The following CCAR1 variants were observed in gnomAD, a reference collection of about 807,000 sequenced individuals.
CCAR1 encodes the protein cell division cycle and apoptosis regulator 1.
A neutral mutation model predicts 163.8 loss-of-function variants in CCAR1; 78 were observed. The ratio of observed to expected loss-of-function variants is 0.48; its 90% confidence interval spans 0.40 to 0.57. The LOEUF (loss-of-function observed/expected upper bound fraction) is 0.57, where lower values mean the gene tolerates loss of function less well. Ranked by LOEUF, CCAR1 falls within the 20% of genes least tolerant of loss-of-function variation. CCAR1 has a pLI of 0.00. For synonymous variants in CCAR1, 443 were observed against 460.7 expected (o/e 0.96, Z 0.49); for missense variants, 1,019 against 1,365.2 (o/e 0.75, Z 4.00).
chr10:68,767,523 G>A (rs993753702), intron 17 of CCAR1, among the ~76,000 whole-genome samples: 1 of 152,100 alleles, frequency 6.6e-6, no homozygotes, highest in Non-Finnish European at 1.5e-5. Context: ...TGAGATTACA[G>A]GCGTGAGCCA....
chr10:68,762,340 A>G (rs1368384672), intron 16 of CCAR1, among the ~76,000 whole-genome samples: 1 of 67,350 alleles, frequency 1.5e-5, no homozygotes, highest in African/African-American at 4.1e-5. Context: ...AAAAAAAAAC[A>G]AAACAAAAAA....
In CCAR1 at chr10:68,787,858, A is replaced by G. The variant is rs997956008; in HGVS notation, c.2881-69A>G. 6 of 1,439,820 alleles carry G rather than the reference A, an allele frequency of 4.2e-6. No individual in the cohort carries two copies. In the African/African-American group the frequency reaches 4.3e-5, roughly 10 times the overall value. 89.2% of individuals were successfully genotyped at this position (1,439,820 alleles called of 1,614,324 possible). ...CTCAAAAGAAAGTGAAAATTATATCATAGTTTTTCTAAGAGAATCAAGAAA... is the reference window on the plus strand; with the variant it reads ...CTCAAAAGAAAGTGAAAATTATATCGTAGTTTTTCTAAGAGAATCAAGAAA... On this transcript the variant is annotated intron_variant, in intron 21 of 24. Coordinates refer to ENST00000265872, the MANE Select transcript of CCAR1 (RefSeq NM_018237.4).
intron 2 of CCAR1, among the ~76,000 whole-genome samples, chr10:68,730,899 C>T (rs1400162036): frequency 6.6e-6 from 1 of 152,056 alleles, no homozygotes; most frequent in African/African-American, 2.4e-5. Context: ...TGTCTTGTTG[C>T]CCAGGCTGCC....
At chr10:68,725,173 G>T (rs1311627606) in intron 2 of CCAR1, among the ~76,000 whole-genome samples, 2 of 151,708 alleles carry the variant, frequency 1.3e-5, no homozygotes, top group African/African-American at 4.8e-5. Context: ...AGCAGTAAAA[G>T]AACATTTACA....
chr10:68,771,852 A>G lies in CCAR1; in HGVS notation c.2538+407A>G, dbSNP rs114024256. Among the ~76,000 whole-genome samples, 436 of 151,896 alleles carry G rather than the reference A, an allele frequency of 2.9e-3. 7 individuals are homozygous for G. The highest frequency in any genetic ancestry group is 9.9e-3 in the African/African-American group (409 of 41,504). ...GAGCATCTACAGCTAGTTTTCTAAT[A>G]CTTTATTCTTAAAATTTTTTTTTCC... On this transcript the variant is annotated intron_variant, in intron 18 of 24. Transcript: ENST00000265872.
intron 6 of CCAR1, among the ~76,000 whole-genome samples, chr10:68,745,376 AC>A: frequency 6.6e-6 from 1 of 151,500 alleles, no homozygotes; most frequent in East Asian, 1.9e-4. Flanking sequence ...GTCATAGCTC[AC>A]TGCAGCCTCA....
chr10:68,784,548 T>C (rs1286441369), intron 19 of CCAR1, among the ~76,000 whole-genome samples: 1 of 152,118 alleles, frequency 6.6e-6, no homozygotes, highest in East Asian at 1.9e-4. Flanking sequence ...ATTCTGTGGG[T>C]CAGATGCTAT....
rs188529642 is a variant in CCAR1, at chr10:68,749,693, A to G, written c.1118+8A>G. ...AAAGTTTTCTTTAGATTGGTAGGTT[A>G]TTCCCCACCCATTGTTTTCTTGAGT... On this transcript the variant is annotated splice_region_variant and intron_variant, in intron 10 of 24. Transcript: ENST00000265872. The G allele has an allele frequency of 3.0e-5, 48 of 1,592,556 alleles. No homozygotes were observed. The highest frequency in any genetic ancestry group is 3.8e-5 in the Non-Finnish European group (44 of 1,164,186).
chr10:68,755,198 C>G (rs778267838), intron 12 of CCAR1, 172 bp from the exon 13 acceptor site: 2 of 765,746 alleles, frequency 2.6e-6, no homozygotes, highest in Non-Finnish European at 4.8e-6. Flanking sequence ...AAATCCTATT[C>G]CATTGCTGAA....
At position 68,754,781 on chromosome 10, in the gene CCAR1, C is replaced by A; in HGVS notation, c.1412C>A (p.Pro471Gln). The change falls in exon 12 of 25, where the codon CCA (proline) becomes CAA (glutamine). Residue 471 changes from proline to glutamine, a missense_variant. Physicochemically the swap from Pro to Gln is moderately conservative, Grantham distance 76 (BLOSUM62 -1). Around this residue, in one of 4 missense-constraint regions of CCAR1, gnomAD observed 644 missense variants for 904.4 expected, o/e 0.71. Transcript: ENST00000265872. ...AAGTCATGTGCTCTTGCTGAGGACC[C>A]ACAAGAACTTCGAGATGGATTCCAA... ...YHKSCALAEDPQELRDGFQHP... is the reference protein window; with the variant it reads ...YHKSCALAEDQQELRDGFQHP... The A allele has an allele frequency of 6.2e-7, 1 of 1,612,046 alleles. No homozygotes were observed. Among genetic ancestry groups the A allele is most frequent in the Non-Finnish European group, 8.5e-7 (1 of 1,178,288 alleles).
chr10:68,786,347 T>C (rs1405120294), intron 20 of CCAR1, 129 bp downstream of exon 20: 1 of 787,874 alleles, frequency 1.3e-6, no homozygotes, highest in Non-Finnish European at 2.0e-6. Context: ...TCAGTTGTTT[T>C]TTTGTGGCTA....
chr10:68,788,599 C>T (rs1239163152), intron 23 of CCAR1, among the ~76,000 whole-genome samples: 1 of 152,304 alleles, frequency 6.6e-6, no homozygotes, highest in East Asian at 1.9e-4. Context: ...ATTCTCCCAC[C>T]TCAGTCTCCC....
At chr10:68,769,480 C>T (rs2056574392) in intron 17 of CCAR1, among the ~76,000 whole-genome samples, 1 of 152,034 alleles carries the variant, frequency 6.6e-6, no homozygotes, top group Non-Finnish European at 1.5e-5. Context: ...ATTAGCTGGG[C>T]GTGGTGGCGC....
chr10:68,758,625 A>C (rs1314911436), intron 15 of CCAR1, among the ~76,000 whole-genome samples: 1 of 115,222 alleles, frequency 8.7e-6, no homozygotes, highest in Non-Finnish European at 2.0e-5. Flanking sequence ...GTATATATAT[A>C]TATATGTATA....
At chr10:68,784,103 A>T (rs938877530) in intron 19 of CCAR1, among the ~76,000 whole-genome samples, 4 of 152,038 alleles carry the variant, frequency 2.6e-5, no homozygotes, top group Non-Finnish European at 5.9e-5. Context: ...TTTTTTTGAG[A>T]TGCAATCTGC....
intron 1 of CCAR1, 149 bp from the exon 2 acceptor site, chr10:68,722,306 A>G (rs139526235): frequency 3.6e-6 from 2 of 552,576 alleles, no homozygotes; most frequent in South Asian, 4.2e-5. Flanking sequence ...TTGGATGTTC[A>G]TTTGCCCTTT....
Position 68,738,391 on chromosome 10 carries a change from G to A in CCAR1, c.291+502G>A, listed in dbSNP as rs533596243. 3.3e-5 allele frequency among the ~76,000 whole-genome samples: 5 copies of A among 152,140 alleles called. No individual in the cohort carries two copies. In the South Asian group the frequency reaches 1.0e-3, roughly 32 times the overall value. On this transcript the variant is annotated intron_variant, in intron 4 of 24. Coordinates refer to ENST00000265872, the MANE Select transcript of CCAR1 (RefSeq NM_018237.4). ...TATGGTGAGCCGAGATCACACCACT[G>A]TACTCCAGCCTGGGCAACAAGAGCG...
intron 2 of CCAR1, among the ~76,000 whole-genome samples, chr10:68,732,480 G>T (rs556021270): frequency 5.5e-4 from 83 of 152,148 alleles, no homozygotes; most frequent in African/African-American, 2.0e-3. Flanking sequence ...CTCCTGAGTA[G>T]CTGGTACTAC....
At chr10:68,724,965 C>T (rs2133294261) in intron 2 of CCAR1, among the ~76,000 whole-genome samples, 1 of 151,992 alleles carries the variant, frequency 6.6e-6, no homozygotes, top group South Asian at 2.1e-4. Context: ...ATGGAGAAAC[C>T]CCGTCTCTAC....
Sources: allele counts gnomAD v4.1 joint callset (sites outside exome capture counted in the v4.1 genomes callset), GRCh38; gene constraint gnomAD v4.1.1; regional missense constraint gnomAD v4.1.1; transcripts MANE v1.5; gene names NCBI Gene and HGNC (gene_info 2026-07-23, HGNC 2026-07-21).